The following GNAO1 variants were observed in gnomAD, a reference collection of about 807,000 sequenced individuals.
The protein encoded by GNAO1 is G protein subunit alpha o1.
For synonymous variants in GNAO1, 164 were observed against 180.7 expected (o/e 0.91, Z 0.74); for missense variants, 166 against 478.7 (o/e 0.35, Z 6.10).
chr16:56,323,658 C>CAAA (rs34470121), intron 3 of GNAO1, among the ~76,000 whole-genome samples: 1 of 137,998 alleles, frequency 7.2e-6, no homozygotes. Context: ...TAGCTGTAAG[C>CAAA]AAAAAAAAAA....
At chr16:56,274,475 G>T (rs964412325) in intron 2 of GNAO1, among the ~76,000 whole-genome samples, 3 of 152,150 alleles carry the variant, frequency 2.0e-5, no homozygotes, top group Non-Finnish European at 4.4e-5. Context: ...GTGAAGACCC[G>T]CAAACCAGCA....
chr16:56,269,212 G>T (rs2036989843), intron 2 of GNAO1, among the ~76,000 whole-genome samples: 1 of 152,192 alleles, frequency 6.6e-6, no homozygotes. Flanking sequence ...TAAATGAGCA[G>T]ATTCTCTGCT....
chr16:56,326,847 C>T lies in GNAO1; in HGVS notation c.304-1784C>T, dbSNP rs2143642883. On this transcript the variant is annotated intron_variant, in intron 3 of 8. Coordinates refer to ENST00000262493, the MANE Select transcript of GNAO1 (RefSeq NM_020988.3). The surrounding 1 kb of genome is among the most constrained non-coding windows in gnomAD (Gnocchi z 4.8). ...GGCTGTGGCTGCCTCAGACGGAGCA[C>T]ATATCTTCCTGGGCAAGGCCACTTC... 6.6e-6 allele frequency among the ~76,000 whole-genome samples: 1 copy of T among 152,350 alleles called. No homozygotes were observed. Among genetic ancestry groups the T allele is most frequent in the East Asian group, 1.9e-4 (1 of 5,178 alleles).
chr16:56,192,325 C>T lies in GNAO1; in HGVS notation c.90C>T (p.Ala30=). The change falls in exon 1 of 9, where the codon GCC becomes GCT. Residue 30 remains alanine (A), a synonymous_variant. Transcript: ENST00000262493. ...ACCTCAAAGAGGATGGCATCAGCGCCGCCAAAGACGTGAAATTACTCCTGC... is the reference window on the plus strand; with the variant it reads ...ACCTCAAAGAGGATGGCATCAGCGCTGCCAAAGACGTGAAATTACTCCTGC... The part of the protein sequence containing the change: ...EKNLKEDGIS[A]AKDVKLLLLG... 1 of 1,606,856 alleles carries T rather than the reference C, an allele frequency of 6.2e-7. No individual in the cohort carries two copies. Among genetic ancestry groups the T allele is most frequent in the South Asian group, 1.1e-5 (1 of 90,958 alleles).
intron 3 of GNAO1, among the ~76,000 whole-genome samples, chr16:56,309,601 A>G (rs2037434149): frequency 6.6e-6 from 1 of 152,252 alleles, no homozygotes; most frequent in Admixed American, 6.5e-5. Context: ...CCTGCCTGCA[A>G]GCACTGTACA....
At chr16:56,341,696 C>T (rs775816079) in intron 6 of GNAO1, among the ~76,000 whole-genome samples, 1 of 152,208 alleles carries the variant, frequency 6.6e-6, no homozygotes, top group Non-Finnish European at 1.5e-5. Flanking sequence ...GTTTACCTGA[C>T]CATGGGGTGG....
intron 2 of GNAO1, among the ~76,000 whole-genome samples, chr16:56,233,648 C>A (rs1454030417): frequency 2.0e-5 from 3 of 152,230 alleles, no homozygotes; most frequent in African/African-American, 7.2e-5. Flanking sequence ...ATTTCTATTC[C>A]TGGTTACTAC....
chr16:56,195,074 CTTTTTT>C (rs76130140), intron 2 of GNAO1, among the ~76,000 whole-genome samples: 31 of 93,594 alleles, frequency 3.3e-4, no homozygotes, highest in Non-Finnish European at 5.2e-4. Flanking sequence ...TTTACTTCTC[CTTTTTT>C]TTTTTTTTTT....
intron 4 of GNAO1, among the ~76,000 whole-genome samples, chr16:56,331,791 C>G (rs192954149): frequency 1.3e-5 from 2 of 152,262 alleles, no homozygotes; most frequent in East Asian, 1.9e-4. Flanking sequence ...AAATTCATAT[C>G]GCCAGCCCAG....
chr16:56,232,898 G>T (rs2036604093), intron 2 of GNAO1, among the ~76,000 whole-genome samples: 1 of 152,056 alleles, frequency 6.6e-6, no homozygotes. Flanking sequence ...TATTTTTATT[G>T]CTCTAAGAGC....
intron 3 of GNAO1, among the ~76,000 whole-genome samples, chr16:56,325,274 C>T (rs926678825): frequency 8.5e-5 from 13 of 152,182 alleles, no homozygotes; most frequent in African/African-American, 3.1e-4. Context: ...GTTGGGAGTT[C>T]GAGACCAGCC....
At chr16:56,272,264 G>A (rs2037025155) in intron 2 of GNAO1, among the ~76,000 whole-genome samples, 1 of 152,058 alleles carries the variant, frequency 6.6e-6, no homozygotes, top group African/African-American at 2.4e-5. Context: ...AGCCGAGATT[G>A]CGCCGCTGCA....
chr16:56,229,511 A>G (rs1002242201), intron 2 of GNAO1, among the ~76,000 whole-genome samples: 1 of 152,052 alleles, frequency 6.6e-6, no homozygotes, highest in African/African-American at 2.4e-5. Context: ...CCCTGCCCCC[A>G]TTGTTGTTTT....
intron 2 of GNAO1, among the ~76,000 whole-genome samples, chr16:56,236,798 G>C (rs1235315527): frequency 2.0e-5 from 3 of 152,164 alleles, no homozygotes; most frequent in Non-Finnish European, 2.9e-5. Flanking sequence ...CTCACCAAGA[G>C]AAAACAAAGT....
chr16:56,225,321 G>A (rs2036524526), intron 2 of GNAO1, among the ~76,000 whole-genome samples: 1 of 152,234 alleles, frequency 6.6e-6, no homozygotes, highest in Non-Finnish European at 1.5e-5. Flanking sequence ...TATGGGTGGT[G>A]CCTGGAAAGG....
intron 3 of GNAO1, among the ~76,000 whole-genome samples, chr16:56,321,577 C>T (rs1470667199): frequency 1.3e-5 from 2 of 152,190 alleles, no homozygotes; most frequent in Admixed American, 1.3e-4. Flanking sequence ...GAGCATGTGT[C>T]CACCCCTAGA....
rs528654073 is a variant in GNAO1, at chr16:56,356,134, G to C, written c.*60G>C. ...TCACGGACTCTTTGCTGTTGACGTT[G>C]ATCTCCTGGTAGCATGACCTTTTGG... On this transcript the variant is annotated 3_prime_UTR_variant, in exon 9 of 9. Transcript: ENST00000262493. 3.9e-5 allele frequency: 6 copies of C among 152,716 alleles called. No individual in the cohort carries two copies. In the East Asian group the frequency reaches 1.2e-3, roughly 29 times the overall value. The allele number at this position is 152,716 out of a possible 1,614,324, so 9.5% of individuals were successfully genotyped here. A position where few individuals can be genotyped will look rare whatever the true frequency, so the allele number is the denominator to read the frequency against.
Position 56,346,243 on chromosome 16 carries a change from G to A in GNAO1, c.724-5141G>A, listed in dbSNP as rs1485805281. ...ATGTCGTAACCAGCGGCTCCATCTT[G>A]TGGGGTGGTGACTGAGGGTGACAAA... On this transcript the variant is annotated intron_variant, in intron 6 of 8. Coordinates refer to ENST00000262493, the MANE Select transcript of GNAO1 (RefSeq NM_020988.3). 3.0e-6 allele frequency: 3 copies of A among 985,336 alleles called. No individual in the cohort carries two copies. The African/African-American group carries it at 5.2e-5, about 17-fold the overall frequency. The allele number at this position is 985,336 out of a possible 1,614,324, so 61.0% of individuals were successfully genotyped here. A position where few individuals can be genotyped will look rare whatever the true frequency, so the allele number is the denominator to read the frequency against.
At chr16:56,272,354 T>C (rs1294329827) in intron 2 of GNAO1, among the ~76,000 whole-genome samples, 1 of 152,142 alleles carries the variant, frequency 6.6e-6, no homozygotes, top group Admixed American at 6.5e-5. Context: ...ATGGACCAAA[T>C]TTTCTAGTCT....
Sources: allele counts gnomAD v4.1 joint callset (sites outside exome capture counted in the v4.1 genomes callset), GRCh38; gene constraint gnomAD v4.1.1; non-coding constraint Gnocchi (gnomAD v3.1); transcripts MANE v1.5; gene names NCBI Gene and HGNC (gene_info 2026-07-23, HGNC 2026-07-21).